KIF13A: variants seen among roughly 807,000 people sequenced by gnomAD.
The protein encoded by KIF13A is kinesin family member 13A, also known as kinesin-like protein KIF13A.
Under a neutral mutation model 212.2 loss-of-function variants are expected in KIF13A, and 79 were observed. The ratio of observed to expected loss-of-function variants is 0.37; its 90% CI spans 0.31 to 0.45. KIF13A has a LOEUF of 0.45. KIF13A is among the 20% of genes least tolerant of loss of function. KIF13A has a pLI of 1.00. For missense variants in KIF13A, 1,901 were observed against 2,209.0 expected (o/e 0.86, Z 2.79); for synonymous variants, 789 against 808.6 (o/e 0.98, Z 0.41).
chr6:17,903,643 A>G (rs527619328), intron 2 of KIF13A, among the ~76,000 whole-genome samples: 2 of 152,286 alleles, frequency 1.3e-5, no homozygotes, highest in South Asian at 2.1e-4. Flanking sequence ...AGGCACAGGG[A>G]TGGGGATGTG....
At chr6:17,891,516 G>C (rs1380134142) in intron 3 of KIF13A, among the ~76,000 whole-genome samples, 2 of 152,126 alleles carry the variant, frequency 1.3e-5, no homozygotes, top group Non-Finnish European at 2.9e-5. Flanking sequence ...AACCCAACTG[G>C]GGAGGCTGAG....
At chr6:17,807,801 C>T (rs1002503918) in intron 18 of KIF13A, among the ~76,000 whole-genome samples, 13 of 152,104 alleles carry the variant, frequency 8.5e-5, no homozygotes, top group South Asian at 2.1e-4. Context: ...ATGTCACCCC[C>T]GGCGGCCCAG....
At chr6:17,836,417 C>A (rs1765956399) in intron 11 of KIF13A, among the ~76,000 whole-genome samples, 1 of 152,212 alleles carries the variant, frequency 6.6e-6, no homozygotes, top group Admixed American at 6.5e-5. Flanking sequence ...CAGGAATTAT[C>A]TCTTATTTGT....
At position 17,800,207 on chromosome 6, in the gene KIF13A, A is replaced by G. The variant is rs1241146265; in HGVS notation, c.2455-94T>C. The G allele has an allele frequency of 2.5e-6, 3 of 1,218,370 alleles. No homozygotes were observed. The African/African-American group carries it at 4.6e-5, about 19-fold the overall frequency. The allele number at this position is 1,218,370 out of a possible 1,614,324, so 75.5% of individuals were successfully genotyped here. The stretch of plus-strand genomic sequence containing the variant: ...CGTGCCTTCTACAGTGAACCTGGAG[A>G]GGGGCTCTGCAGCTGCTGCTTGGTC... On this transcript the variant is annotated intron_variant, in intron 20 of 38. Transcript: ENST00000259711.
chr6:17,890,727 A>G (rs1771972565), intron 3 of KIF13A, among the ~76,000 whole-genome samples: 1 of 150,974 alleles, frequency 6.6e-6, no homozygotes, highest in South Asian at 2.1e-4. Flanking sequence ...CCTGGGCTCA[A>G]GCGATCTTCC....
In KIF13A at chr6:17,900,771, G is replaced by A. The variant is rs1014388404; in HGVS notation, c.147-2591C>T. Reference sequence around the variant, plus strand: ...CTTTCTTAAGGTTTCTAAGGGACTCGAACAAAACTGAGAGCTCAGTCCAGG... The same window carrying A: ...CTTTCTTAAGGTTTCTAAGGGACTCAAACAAAACTGAGAGCTCAGTCCAGG... On this transcript the variant is annotated intron_variant, in intron 2 of 38. Transcript: ENST00000259711. The surrounding 1 kb of genome is among the most constrained non-coding windows in gnomAD (Gnocchi z 4.6). 3.9e-5 allele frequency among the ~76,000 whole-genome samples: 6 copies of A among 152,028 alleles called. No individual in the cohort carries two copies. The highest frequency in any genetic ancestry group is 1.9e-4 in the East Asian group (1 of 5,162).
rs903283170 is a variant in KIF13A, at chr6:17,929,353, C to T, written c.147-31173G>A. Among the ~76,000 whole-genome samples the T allele has an allele frequency of 1.3e-4, 20 of 151,706 alleles. No homozygotes were observed. In the East Asian group the frequency reaches 3.9e-3, roughly 30 times the overall value. On this transcript the variant is annotated intron_variant, in intron 2 of 38. Coordinates refer to ENST00000259711, the MANE Select transcript of KIF13A (RefSeq NM_022113.6). ...TTTCTGGGCTCAAACAATGCTCTAG[C>T]TTCAGTCTCCCAAACAGCTAGGACT...
intron 29 of KIF13A, among the ~76,000 whole-genome samples, 192 bp from the exon 30 acceptor site, chr6:17,781,493 A>T (rs1316309576): frequency 6.6e-6 from 1 of 152,064 alleles, no homozygotes; most frequent in African/African-American, 2.4e-5. Flanking sequence ...TTTTTAAAAA[A>T]TCATTATGTT....
intron 9 of KIF13A, among the ~76,000 whole-genome samples, chr6:17,840,215 AT>A (rs1393098040): frequency 6.6e-6 from 1 of 152,124 alleles, no homozygotes; most frequent in African/African-American, 2.4e-5. Context: ...ACAATGGTGA[AT>A]TATATTGTAT....
Position 17,800,053 on chromosome 6 carries a change from C to T in KIF13A, c.2515G>A (p.Val839Met), listed in dbSNP as rs753372514. 1 of 1,614,020 alleles carries T rather than the reference C, an allele frequency of 6.2e-7. No homozygotes were observed. Among genetic ancestry groups the T allele is most frequent in the Admixed American group, 1.7e-5 (1 of 60,014 alleles). Residue 839 changes from valine to methionine, a missense_variant, in exon 21 of 39, where the codon GTG (valine) becomes ATG (methionine). Physicochemically the swap from Val to Met is conservative, Grantham distance 21 (BLOSUM62 1). This residue lies in a region of KIF13A where 534 missense variants were observed against 536.9 expected (regional missense o/e 0.99). Coordinates refer to ENST00000259711, the MANE Select transcript of KIF13A (RefSeq NM_022113.6). Reference protein sequence around the residue: ...RVTGAVPERVVEDDSSENSSE... With the variant: ...RVTGAVPERVMEDDSSENSSE... ...GAATTCTCCGAAGAGTCATCCTCCACCACACGCTCTGGAACAGCTCCTGTA... is the reference window on the plus strand; with the variant it reads ...GAATTCTCCGAAGAGTCATCCTCCATCACACGCTCTGGAACAGCTCCTGTA...
chr6:17,805,464 G>A lies in KIF13A; in HGVS notation c.2304+11C>T. The A allele has an allele frequency of 6.2e-7, 1 of 1,609,748 alleles. No individual in the cohort carries two copies. Among genetic ancestry groups the A allele is most frequent in the Non-Finnish European group, 8.5e-7 (1 of 1,178,112 alleles). On this transcript the variant is annotated intron_variant, in intron 19 of 38. Coordinates refer to ENST00000259711, the MANE Select transcript of KIF13A (RefSeq NM_022113.6). ...CATAACAAAATCTCCATTACATTTT[G>A]TCTCTTTTACCTCAGGAACTTTTTC...
rs1333617477 is a variant in KIF13A, at chr6:17,971,662, C to A, written c.146+15392G>T. Reference sequence around the variant, plus strand: ...CTGGTCTCAAGCTCCTGGGCCCAAGCGATCCTCCCACCTCTGCCTCCCAAA... The same window carrying A: ...CTGGTCTCAAGCTCCTGGGCCCAAGAGATCCTCCCACCTCTGCCTCCCAAA... On this transcript the variant is annotated intron_variant, in intron 2 of 38. Coordinates refer to ENST00000259711, the MANE Select transcript of KIF13A (RefSeq NM_022113.6). The surrounding 1 kb of genome is among the most constrained non-coding windows in gnomAD (Gnocchi z 4.2). Among the ~76,000 whole-genome samples, 1 of 152,034 alleles carries A rather than the reference C, an allele frequency of 6.6e-6. No homozygotes were observed. The highest frequency in any genetic ancestry group is 1.5e-5 in the Non-Finnish European group (1 of 67,994).
chr6:17,952,796 G>C (rs1358293281), intron 2 of KIF13A, among the ~76,000 whole-genome samples: 2 of 151,784 alleles, frequency 1.3e-5, no homozygotes, highest in African/African-American at 2.4e-5. Flanking sequence ...CAGGTGTGGT[G>C]GTGGGCGCCT....
At chr6:17,904,794 G>T (rs138560981) in intron 2 of KIF13A, among the ~76,000 whole-genome samples, 1 of 152,234 alleles carries the variant, frequency 6.6e-6, no homozygotes, top group African/African-American at 2.4e-5. Flanking sequence ...GCCCTACGAC[G>T]TGTGTGATCA....
intron 2 of KIF13A, among the ~76,000 whole-genome samples, chr6:17,981,383 C>A (rs1781061198): frequency 6.6e-6 from 1 of 151,156 alleles, no homozygotes; most frequent in African/African-American, 2.4e-5. Flanking sequence ...CCACTCTAAA[C>A]TACAATGCAT....
intron 4 of KIF13A, among the ~76,000 whole-genome samples, chr6:17,861,259 G>C (rs1768752295): frequency 6.6e-6 from 1 of 152,154 alleles, no homozygotes. Flanking sequence ...AGTCTAGAGA[G>C]ACTGGAATAC....
At chr6:17,913,712 G>A (rs1774262872) in intron 2 of KIF13A, among the ~76,000 whole-genome samples, 1 of 152,152 alleles carries the variant, frequency 6.6e-6, no homozygotes, top group Non-Finnish European at 1.5e-5. Flanking sequence ...AGGATCTGGT[G>A]TCAATCCACC....
chr6:17,762,686 G>A (rs560214261), downstream of KIF13A, among the ~76,000 whole-genome samples: 6 of 152,324 alleles, frequency 3.9e-5, no homozygotes, highest in South Asian at 1.2e-3. Context: ...TGTAGCTTCT[G>A]CTTTAATCCA....
chr6:17,844,576 C>T (rs1347972881), intron 9 of KIF13A, among the ~76,000 whole-genome samples: 2 of 152,102 alleles, frequency 1.3e-5, no homozygotes, highest in Non-Finnish European at 2.9e-5. Flanking sequence ...ATAACTTGTC[C>T]AAGGATTTGT....
Sources: allele counts gnomAD v4.1 joint callset (sites outside exome capture counted in the v4.1 genomes callset), GRCh38; gene constraint gnomAD v4.1.1; regional missense constraint gnomAD v4.1.1; non-coding constraint Gnocchi (gnomAD v3.1); transcripts MANE v1.5; gene names NCBI Gene and HGNC (gene_info 2026-07-23, HGNC 2026-07-21).